ATG4A: variants seen among roughly 807,000 people sequenced by gnomAD.
The protein encoded by ATG4A is cysteine protease ATG4A.
ATG4A carries 22 observed loss-of-function variants against 38.4 expected under a neutral mutation model. The ratio of observed to expected loss-of-function variants is 0.57; its 90% CI spans 0.41 to 0.82. The LOEUF is 0.82. Ranked by LOEUF, ATG4A falls within the 40% of genes least tolerant of loss-of-function variation. ATG4A has a pLI of 0.00. For missense variants in ATG4A, 220 were observed against 290.0 expected, an observed-to-expected ratio of 0.76 and a Z score of 1.75; for synonymous variants, 86 against 100.7, an observed-to-expected ratio of 0.85 and a Z score of 0.88.
chrX:108,145,264 G>A (rs1230388788), intron 9 of ATG4A, among the ~76,000 whole-genome samples: 1 of 112,520 alleles, frequency 8.9e-6, no homozygotes, highest in Non-Finnish European at 1.9e-5. Context: ...GAAGTGAAAA[G>A]CGATCAAGGT....
intron 9 of ATG4A, among the ~76,000 whole-genome samples, chrX:108,141,063 T>TAC (rs2033263804): frequency 3.5e-5 from 1 of 28,621 alleles, no homozygotes; most frequent in African/African-American, 1.3e-4. Context: ...TATACGTGTA[T>TAC]ATATATACAT....
intron 1 of ATG4A, among the ~76,000 whole-genome samples, chrX:108,125,652 A>G (rs2032778045): frequency 8.9e-6 from 1 of 112,005 alleles, no homozygotes; most frequent in Non-Finnish European, 1.9e-5. Context: ...CTTCCAAGCC[A>G]CTGGCCACTA....
At chrX:108,151,925 T>C (rs2033597797) in intron 11 of ATG4A, 67 bp downstream of exon 11, 3 of 1,003,233 alleles carry the variant, frequency 3.0e-6, no homozygotes, top group Non-Finnish European at 1.4e-6. Flanking sequence ...TTCAAGATTG[T>C]TTTTCATAGT....
rs1375246091 is a variant in ATG4A, at chrX:108,126,118, T to A, written c.52T>A (p.Tyr18Asn). The A allele has an allele frequency of 2.5e-6, 3 of 1,207,457 alleles. No individual in the cohort carries two copies. Among genetic ancestry groups the A allele is most frequent in the South Asian group, 3.5e-5 (2 of 56,492 alleles). The stretch of plus-strand genomic sequence containing the variant: ...AGATCAGATTACTATTTTCACTGAC[T>A]ACCTAGAAGAATATCCAGATACAGA... ...YEDQITIFTD[Y>N]LEEYPDTDEL... The change falls in exon 2 of 13, where the codon TAC (tyrosine) becomes AAC (asparagine). Residue 18 changes from tyrosine (Y) to asparagine (N), a missense_variant. Physicochemically the swap from Tyr to Asn is moderately radical, Grantham distance 143 (BLOSUM62 -2). Around this residue, in one of 3 missense-constraint regions of ATG4A, gnomAD observed 61 missense variants for 83.3 expected, o/e 0.73. Transcript: ENST00000372232.
At chrX:108,151,750 T>C in intron 10 of ATG4A, 52 bp from the exon 11 acceptor site, 8 of 1,144,529 alleles carry the variant, frequency 7.0e-6, no homozygotes, top group South Asian at 5.6e-5. Flanking sequence ...AACAGCTCCA[T>C]TGTGCAATAC....
intron 1 of ATG4A, among the ~76,000 whole-genome samples, chrX:108,108,555 G>A (rs2032255830): frequency 9.0e-6 from 1 of 110,670 alleles, no homozygotes; most frequent in Non-Finnish European, 1.9e-5. Context: ...AAATCACCAC[G>A]ATCACTACCT....
Position 108,141,098 on chromosome X carries a change from A to G in ATG4A, c.814+2907A>G, listed in dbSNP as rs1167713042. 6.1e-5 allele frequency among the ~76,000 whole-genome samples: 5 copies of G among 82,116 alleles called. No individual in the cohort carries two copies. In the East Asian group the frequency reaches 1.4e-3, roughly 24 times the overall value. The allele number at this position is 82,116 out of a possible 115,157, so 71.3% of individuals were successfully genotyped here. A position where few individuals can be genotyped will look rare whatever the true frequency, so the allele number is the denominator to read the frequency against. ...TATATATATATATATATATATATAT[A>G]TATATATATATCACTAAGGAATGGT... is the stretch of plus-strand genomic sequence containing the variant. On this transcript the variant is annotated intron_variant, in intron 9 of 12. Transcript: ENST00000372232.
Position 108,134,043 on chromosome X carries a change from T to G in ATG4A, c.293-14T>G. On this transcript the variant is annotated splice_polypyrimidine_tract_variant and intron_variant, in intron 4 of 12. Coordinates refer to ENST00000372232, the MANE Select transcript of ATG4A (RefSeq NM_052936.5). The stretch of plus-strand genomic sequence containing the variant: ...TATAAAAATGTTTCTAACCCATTTT[T>G]TTTTCTTAAAAAGACTGGAGCTGGG... 1.7e-6 allele frequency: 2 copies of G among 1,169,477 alleles called. No homozygotes were observed. The highest frequency in any genetic ancestry group is 5.3e-5 in the Admixed American group (2 of 37,917).
At chrX:108,089,137 TTG>T (rs1182984597), upstream of ATG4A, among the ~76,000 whole-genome samples, 1 of 112,661 alleles carries the variant, frequency 8.9e-6, no homozygotes. Flanking sequence ...ACATCTTTGG[TTG>T]TTTTACTATT....
At position 108,093,897 on chromosome X, in the gene ATG4A, GT is replaced by G. The variant is rs767350106; in HGVS notation, c.10+2066del. ...GAAGTGTCTGTTATATCTTTTGTCTGTTTTTAAATTGAGTTATTTGTTTTTT... is the reference window on the plus strand; with the variant it reads ...GAAGTGTCTGTTATATCTTTTGTCTGTTTTAAATTGAGTTATTTGTTTTTT... On this transcript the variant is annotated intron_variant, in intron 1 of 12. Coordinates refer to ENST00000372232, the MANE Select transcript of ATG4A (RefSeq NM_052936.5). Among the ~76,000 whole-genome samples the G allele has an allele frequency of 4.5e-3, 502 of 111,559 alleles. 1 individual carries two copies. Among genetic ancestry groups the G allele is most frequent in the Non-Finnish European group, 6.9e-3 (366 of 53,040 alleles).
chrX:108,141,073 T>C (rs1602668296), intron 9 of ATG4A, among the ~76,000 whole-genome samples: 1 of 18,304 alleles, frequency 5.5e-5, no homozygotes, highest in Non-Finnish European at 1.1e-4. Context: ...TATATATACA[T>C]ATATATATAT....
At chrX:108,150,343 G>A in intron 10 of ATG4A, 46 bp downstream of exon 10, 2 of 1,200,380 alleles carry the variant, frequency 1.7e-6, no homozygotes, top group Non-Finnish European at 2.3e-6. Context: ...GATGTGTACA[G>A]ATTGGTTCCC....
intron 9 of ATG4A, among the ~76,000 whole-genome samples, chrX:108,142,829 C>T (rs1247897309): frequency 9.0e-6 from 1 of 111,589 alleles, no homozygotes; most frequent in African/African-American, 3.3e-5. Context: ...TCTGCTTTGG[C>T]AACACCCTCA....
intron 4 of ATG4A, among the ~76,000 whole-genome samples, chrX:108,132,239 A>G (rs2032976632): frequency 8.9e-6 from 1 of 112,041 alleles, no homozygotes; most frequent in Non-Finnish European, 1.9e-5. Context: ...TAAGACATGT[A>G]CATACTTCCC....
upstream of ATG4A, chrX:108,091,567 C>A (rs1012312648): frequency 8.9e-7 from 1 of 1,126,771 alleles, no homozygotes; most frequent in African/African-American, 1.8e-5. Flanking sequence ...GCCCGCCTCA[C>A]GTCGCCGGCT....
intron 2 of ATG4A, among the ~76,000 whole-genome samples, chrX:108,127,264 A>G (rs1272043091): frequency 1.8e-5 from 2 of 111,978 alleles, no homozygotes; most frequent in Admixed American, 9.5e-5. Context: ...AAATGAAATC[A>G]TTGCTAAAAT....
chrX:108,100,275 A>G lies in ATG4A; in HGVS notation c.10+8439A>G, dbSNP rs189965754. Among the ~76,000 whole-genome samples, 902 of 112,156 alleles carry G rather than the reference A, an allele frequency of 8.0e-3. 7 individuals carry two copies. Among genetic ancestry groups the G allele is most frequent in the Non-Finnish European group, 0.014 (766 of 53,061 alleles). ...GTATTCATTGCTAGTATATAGAAAT[A>G]TAAATGATTTTTGTATGATAGTTTT... On this transcript the variant is annotated intron_variant, in intron 1 of 12. Transcript: ENST00000372232.
In ATG4A at chrX:108,137,071, C is replaced by T; in HGVS notation, c.468-20C>T. The T allele has an allele frequency of 8.4e-7, 1 of 1,184,892 alleles. No individual in the cohort carries two copies. Among genetic ancestry groups the T allele is most frequent in the African/African-American group, 1.7e-5 (1 of 57,297 alleles). ...TTTCCATCTTCCCAAATTGTGACTT[C>T]ATTATACATTGCTTTGCAGAAAACT... On this transcript the variant is annotated intron_variant, in intron 6 of 12. Transcript: ENST00000372232.
At chrX:108,103,415 T>G (rs1435218720) in intron 1 of ATG4A, among the ~76,000 whole-genome samples, 1 of 112,575 alleles carries the variant, frequency 8.9e-6, no homozygotes, top group Non-Finnish European at 1.9e-5. Context: ...CTCTCTGTTC[T>G]GTTCCATTAA....
Sources: allele counts gnomAD v4.1 joint callset (sites outside exome capture counted in the v4.1 genomes callset), GRCh38; gene constraint gnomAD v4.1.1; regional missense constraint gnomAD v4.1.1; transcripts MANE v1.5; gene names NCBI Gene and HGNC (gene_info 2026-07-23, HGNC 2026-07-21).